The following PIK3AP1 variants were observed in gnomAD, a reference collection of about 807,000 sequenced individuals.
PIK3AP1 encodes phosphoinositide 3-kinase adapter protein 1.
Under a neutral mutation model 88.1 loss-of-function variants are expected in PIK3AP1, and 21 were observed. That is an observed-to-expected ratio of 0.24 (90% CI 0.17 to 0.34). The LOEUF (loss-of-function observed/expected upper bound fraction) is 0.34. Among genes scored for constraint, PIK3AP1 ranks in the 10% least tolerant of loss-of-function variants. The probability of loss-of-function intolerance (pLI) is 1.00; values close to 1 mark genes in which losing one functional copy is unlikely to be tolerated. For missense variants in PIK3AP1, 828 were observed against 1,035.7 expected (o/e 0.80, Z 2.75); for synonymous variants, 398 against 400.0 (o/e 1.00, Z 0.06).
intron 8 of PIK3AP1, among the ~76,000 whole-genome samples, chr10:96,629,714 C>CA (rs33921990): frequency 0.04 from 2,881 of 71,704 alleles, 303 homozygotes; most frequent in African/African-American, 0.1. Context: ...CCCATCTCTA[C>CA]AAAAAAAAAA....
rs754985674 is a variant in PIK3AP1 at position 96,623,497 on chromosome 10, G to A, written c.1710C>T (p.Tyr570=). The change falls in exon 11 of 17, where the codon TAC becomes TAT. Residue 570 remains tyrosine (Y), a synonymous_variant. Transcript: ENST00000339364. ...EKSQERPGNF[Y]VSSESIRKGP... ...CTTTCCTGATGCTCTCTGAGGAAACGTAGAAATTCCCAGGCCGCTCTTGAC... is the reference window on the plus strand; with the variant it reads ...CTTTCCTGATGCTCTCTGAGGAAACATAGAAATTCCCAGGCCGCTCTTGAC... 48 of 1,611,804 alleles carry A rather than the reference G, an allele frequency of 3.0e-5. No individual in the cohort carries two copies. Among genetic ancestry groups the A allele is most frequent in the South Asian group, 2.5e-4 (23 of 91,030 alleles).
At chr10:96,717,489 C>A (rs1466509202) in intron 1 of PIK3AP1, among the ~76,000 whole-genome samples, 2 of 152,032 alleles carry the variant, frequency 1.3e-5, no homozygotes, top group Non-Finnish European at 2.9e-5. Flanking sequence ...AGGAGCTTCC[C>A]ACCCCAGAAG....
intron 2 of PIK3AP1, among the ~76,000 whole-genome samples, chr10:96,705,061 A>C (rs1844344706): frequency 6.6e-6 from 1 of 152,212 alleles, no homozygotes; most frequent in African/African-American, 2.4e-5. Context: ...GGTATCTCAA[A>C]GTTAAGAAAA....
At chr10:96,688,728 G>A (rs1844109859) in intron 2 of PIK3AP1, among the ~76,000 whole-genome samples, 1 of 152,082 alleles carries the variant, frequency 6.6e-6, no homozygotes, top group Non-Finnish European at 1.5e-5. Context: ...AACCCAGGAG[G>A]CGGAGGGTGC....
intron 8 of PIK3AP1, among the ~76,000 whole-genome samples, chr10:96,632,309 T>C (rs1843255132): frequency 6.6e-6 from 1 of 152,332 alleles, no homozygotes; most frequent in Middle Eastern, 3.4e-3. Flanking sequence ...AATTGTACTA[T>C]GGTTATGTAA....
At chr10:96,655,105 G>C (rs371644540) in intron 3 of PIK3AP1, among the ~76,000 whole-genome samples, 56 of 152,294 alleles carry the variant, frequency 3.7e-4, no homozygotes, top group African/African-American at 1.3e-3. Flanking sequence ...GCCCAGGCTG[G>C]TCTCAAACTC....
intron 2 of PIK3AP1, among the ~76,000 whole-genome samples, chr10:96,696,379 AT>A (rs1298886177): frequency 6.6e-6 from 1 of 152,152 alleles, no homozygotes; most frequent in Non-Finnish European, 1.5e-5. Context: ...GAAACTGAAA[AT>A]TTTCTGCCCA....
chr10:96,673,663 G>A (rs10509712), intron 2 of PIK3AP1, among the ~76,000 whole-genome samples: 26,824 of 152,110 alleles, frequency 0.18, 3,345 homozygotes, highest in African/African-American at 0.34. Flanking sequence ...TCAGGAATCA[G>A]TTCTTATCTA....
intron 16 of PIK3AP1, among the ~76,000 whole-genome samples, chr10:96,597,906 G>C (rs911428565): frequency 9.9e-5 from 15 of 152,284 alleles, no homozygotes; most frequent in African/African-American, 3.6e-4. Flanking sequence ...TGTGCAGTTG[G>C]GGTGGGCCTA....
intron 8 of PIK3AP1, 141 bp from the exon 9 acceptor site, chr10:96,628,634 C>T (rs1843185756): frequency 1.4e-6 from 1 of 724,456 alleles, no homozygotes; most frequent in Non-Finnish European, 2.4e-6. Flanking sequence ...CATCCATCCA[C>T]CTACTCAAGG....
intron 8 of PIK3AP1, among the ~76,000 whole-genome samples, chr10:96,636,033 C>A (rs1843307646): frequency 6.6e-6 from 1 of 152,054 alleles, no homozygotes; most frequent in African/African-American, 2.4e-5. Context: ...TGGTAAAACC[C>A]CGTCTCTACT....
intron 3 of PIK3AP1, 22 bp downstream of exon 3, chr10:96,656,776 C>T (rs3748231): frequency 0.29 from 464,868 of 1,610,992 alleles, 68,153 homozygotes; most frequent in East Asian, 0.44. Flanking sequence ...CATCCAGCTA[C>T]CAGGCCCCCA....
At chr10:96,646,257 C>A (rs993679816) in intron 7 of PIK3AP1, among the ~76,000 whole-genome samples, 1 of 140,226 alleles carries the variant, frequency 7.1e-6, no homozygotes, top group African/African-American at 2.6e-5. Flanking sequence ...AAGACTCTGT[C>A]TAAAAAAAAA....
chr10:96,686,516 G>C (rs1158701048), intron 2 of PIK3AP1, among the ~76,000 whole-genome samples: 1 of 152,132 alleles, frequency 6.6e-6, no homozygotes, highest in Non-Finnish European at 1.5e-5. Flanking sequence ...GAGTTGGATG[G>C]GCTTAGGCAG....
At chr10:96,683,840 G>T (rs1036169988) in intron 2 of PIK3AP1, among the ~76,000 whole-genome samples, 2 of 152,202 alleles carry the variant, frequency 1.3e-5, no homozygotes, top group African/African-American at 2.4e-5. Flanking sequence ...ATGCCCAAAT[G>T]TCAGGGAAAT....
chr10:96,610,716 C>CA (rs1418344524), intron 13 of PIK3AP1, among the ~76,000 whole-genome samples: 3 of 152,180 alleles, frequency 2.0e-5, no homozygotes, highest in African/African-American at 7.2e-5. Context: ...TAACCCTACC[C>CA]AGAGGTTGTC....
intron 2 of PIK3AP1, among the ~76,000 whole-genome samples, chr10:96,662,036 TAAAC>T (rs544870285): frequency 2.3e-4 from 35 of 152,300 alleles, no homozygotes; most frequent in South Asian, 1.4e-3. Context: ...AAATATTTGT[TAAAC>T]AAACAAAAAT....
intron 12 of PIK3AP1, among the ~76,000 whole-genome samples, chr10:96,617,347 C>A (rs781467561): frequency 6.6e-6 from 1 of 152,146 alleles, no homozygotes; most frequent in African/African-American, 2.4e-5. Flanking sequence ...TTAACAATAA[C>A]GCCGAAGTTA....
Position 96,595,442 on chromosome 10 carries a change from C to A in PIK3AP1, c.*135G>T. The A allele has an allele frequency of 1.0e-6, 1 of 988,412 alleles. No homozygotes were observed. Among genetic ancestry groups the A allele is most frequent in the Non-Finnish European group, 1.5e-6 (1 of 656,422 alleles). The allele number at this position is 988,412 out of a possible 1,614,324, so 61.2% of individuals were successfully genotyped here. On this transcript the variant is annotated 3_prime_UTR_variant, in exon 17 of 17. Transcript: ENST00000339364. ...TCGAGGCAAGCCCAAACCAGCAGGG[C>A]TGCAGCATTATCAGCAATGAGAATG...
Sources: gnomAD v4.1 joint callset for allele counts (sites outside exome capture counted in the v4.1 genomes callset) on GRCh38, gnomAD v4.1.1 for gene constraint, MANE v1.5 for transcripts, NCBI Gene and HGNC (gene_info 2026-07-23, HGNC 2026-07-21) for gene names.